Variants in PKP4 observed in about 807,000 individuals in gnomAD.
PKP4 encodes plakophilin 4, also known as plakophilin-4.
PKP4 carries 90 observed loss-of-function variants against 145.1 expected under a neutral mutation model. The observed-to-expected ratio is 0.62, with a 90% CI of 0.52 to 0.74. The LOEUF (loss-of-function observed/expected upper bound fraction) is 0.74. Ranked by LOEUF, PKP4 falls within the 30% of genes least tolerant of loss-of-function variation. The pLI, the probability that PKP4 is intolerant of heterozygous loss-of-function variation, is 0.00. For synonymous variants in PKP4, 563 were observed against 577.2 expected, an observed-to-expected ratio of 0.98 and a Z score of 0.35; for missense variants, 1,340 against 1,482.7, an observed-to-expected ratio of 0.90 and a Z score of 1.58.
intron 1 of PKP4, among the ~76,000 whole-genome samples, chr2:158,507,780 G>C (rs569368636): frequency 6.6e-6 from 1 of 152,064 alleles, no homozygotes; most frequent in Non-Finnish European, 1.5e-5. Context: ...AGGTAGTGTG[G>C]GGGGGTCTCC....
chr2:158,627,378 G>C (rs1406520326), intron 7 of PKP4, among the ~76,000 whole-genome samples: 1 of 152,056 alleles, frequency 6.6e-6, no homozygotes, highest in Non-Finnish European at 1.5e-5. Context: ...TTAACCCTAA[G>C]AGGACTCATT....
At chr2:158,501,626 A>G (rs1230364385) in intron 1 of PKP4, among the ~76,000 whole-genome samples, 1 of 152,222 alleles carries the variant, frequency 6.6e-6, no homozygotes, top group African/African-American at 2.4e-5. Context: ...GTGCTCCAGG[A>G]CTTTGCCTCC....
At chr2:158,663,240 C>T (rs369367191) in intron 14 of PKP4, 32 bp from the exon 15 acceptor site, 8 of 1,595,668 alleles carry the variant, frequency 5.0e-6, no homozygotes, top group African/African-American at 2.7e-5. Context: ...GTTCATTCTG[C>T]CTCCATTTAA....
At chr2:158,676,518 C>G (rs1559001254) in intron 19 of PKP4, among the ~76,000 whole-genome samples, 1 of 152,188 alleles carries the variant, frequency 6.6e-6, no homozygotes, top group South Asian at 2.1e-4. Context: ...CCGGTGTTGA[C>G]TTTGCTGATT....
Position 158,613,601 on chromosome 2 carries a change from T to C in PKP4, c.281-7389T>C, listed in dbSNP as rs77842442. On this transcript the variant is annotated intron_variant, in intron 4 of 21. Coordinates refer to ENST00000389759, the MANE Select transcript of PKP4 (RefSeq NM_003628.6). ...ATAGTGTTAAAATTCCACCCAATTT[T>C]CAACCCAGGTGATTGCATTGTACAA... Among the ~76,000 whole-genome samples, 838 of 152,256 alleles carry C rather than the reference T, an allele frequency of 5.5e-3. 12 individuals carry two copies. Among genetic ancestry groups the C allele is most frequent in the African/African-American group, 0.019 (798 of 41,544 alleles).
At chr2:158,488,758 T>A (rs1370367611) in intron 1 of PKP4, among the ~76,000 whole-genome samples, 2 of 152,224 alleles carry the variant, frequency 1.3e-5, no homozygotes, top group Non-Finnish European at 2.9e-5. Context: ...AATAGCAGTG[T>A]TAACAATATC....
chr2:158,521,284 T>C (rs1291204792), intron 1 of PKP4, among the ~76,000 whole-genome samples: 2 of 152,234 alleles, frequency 1.3e-5, no homozygotes, highest in African/African-American at 4.8e-5. Flanking sequence ...TGACTACTCA[T>C]TGCAGTATTA....
At chr2:158,594,755 A>G (rs2049575888) in intron 3 of PKP4, among the ~76,000 whole-genome samples, 1 of 152,222 alleles carries the variant, frequency 6.6e-6, no homozygotes, top group Non-Finnish European at 1.5e-5. Flanking sequence ...TTCAAAAAAT[A>G]TAGTTAAATA....
At chr2:158,601,834 A>T (rs2050257077) in intron 3 of PKP4, among the ~76,000 whole-genome samples, 1 of 152,160 alleles carries the variant, frequency 6.6e-6, no homozygotes, top group Admixed American at 6.5e-5. Flanking sequence ...TAACCACATA[A>T]TGACTTGGGG....
chr2:158,520,151 T>C (rs1485828866), intron 1 of PKP4, among the ~76,000 whole-genome samples: 3 of 152,224 alleles, frequency 2.0e-5, no homozygotes, highest in Non-Finnish European at 2.9e-5. Context: ...TGCAGTGCTT[T>C]CCTTGTGTTA....
chr2:158,622,362 C>T (rs2052344326), intron 6 of PKP4, among the ~76,000 whole-genome samples: 1 of 151,940 alleles, frequency 6.6e-6, no homozygotes, highest in South Asian at 2.1e-4. Context: ...TTCTCATTAC[C>T]ACTGTATTCA....
At chr2:158,669,622 T>G in intron 16 of PKP4, 98 bp from the exon 17 acceptor site, 4 of 965,362 alleles carry the variant, frequency 4.1e-6, no homozygotes, top group Non-Finnish European at 4.3e-6. Context: ...TCTTTGGGGG[T>G]TTTATTTTTA....
chr2:158,666,452 G>T lies in PKP4; in HGVS notation c.2617G>T (p.Gly873Trp). The T allele has an allele frequency of 6.2e-7, 1 of 1,609,828 alleles. No homozygotes were observed. The highest frequency in any genetic ancestry group is 8.5e-7 in the Non-Finnish European group (1 of 1,178,836). ...YIRAAVRKEK[G>W]LPILVELLRM... ...CCGGGCGGCCGTCCGAAAAGAAAAG[G>T]GGCTCCCCATCCTTGTGGAGCTTCT... The change falls in exon 16 of 22, where the codon GGG (glycine) becomes TGG (tryptophan). Residue 873 changes from glycine (G) to tryptophan (W), a missense_variant. Transcript: ENST00000389759.
At chr2:158,565,921 A>G (rs1004064159) in intron 2 of PKP4, among the ~76,000 whole-genome samples, 41 of 152,192 alleles carry the variant, frequency 2.7e-4, no homozygotes, top group Non-Finnish European at 5.9e-5. Context: ...AAAAGTTAAG[A>G]CAAAAATTTT....
Position 158,621,348 on chromosome 2 carries a change from A to G in PKP4, c.530A>G (p.Gln177Arg), listed in dbSNP as rs781763465. 1.3e-5 allele frequency: 21 copies of G among 1,614,218 alleles called. No homozygotes were observed. The highest frequency in any genetic ancestry group is 1.8e-5 in the Non-Finnish European group (21 of 1,180,012). The stretch of plus-strand genomic sequence containing the variant: ...GTGAGCAAGGCAGACAACAGACAGC[A>G]GCATTCATTCATAGGATCAACTAAC... The part of the protein sequence containing the change: ...QNVSKADNRQ[Q>R]HSFIGSTNNH... The change falls in exon 6 of 22, where the codon CAG becomes CGG. Residue 177 changes from glutamine to arginine, a missense_variant. Transcript: ENST00000389759.
chr2:158,560,630 T>C (rs1574486747), intron 2 of PKP4, among the ~76,000 whole-genome samples: 1 of 152,306 alleles, frequency 6.6e-6, no homozygotes, highest in East Asian at 1.9e-4. Flanking sequence ...TATTTCCAAA[T>C]TTTTGGCAAG....
chr2:158,608,995 A>T (rs951251594), intron 4 of PKP4, among the ~76,000 whole-genome samples: 5 of 150,622 alleles, frequency 3.3e-5, no homozygotes, highest in Non-Finnish European at 5.9e-5. Context: ...TGTTTTTTTT[A>T]AATTACAGAC....
chr2:158,658,613 G>A (rs552057170), intron 12 of PKP4: 44 of 258,020 alleles, frequency 1.7e-4, no homozygotes, highest in Middle Eastern at 1.2e-3. Flanking sequence ...TCTGGTAATC[G>A]CATTCTGATT....
chr2:158,567,224 A>G (rs1347015894), intron 2 of PKP4, among the ~76,000 whole-genome samples: 1 of 152,232 alleles, frequency 6.6e-6, no homozygotes, highest in African/African-American at 2.4e-5. Context: ...AAGATGTCAC[A>G]GAACACTATA....
Sources: gnomAD v4.1 joint callset for allele counts (sites outside exome capture counted in the v4.1 genomes callset) on GRCh38, gnomAD v4.1.1 for gene constraint, MANE v1.5 for transcripts, NCBI Gene and HGNC (gene_info 2026-07-23, HGNC 2026-07-21) for gene names.